The following CCDC146 variants were observed in gnomAD, a reference collection of about 807,000 sequenced individuals.
CCDC146 encodes the protein coiled-coil domain containing 146.
In CCDC146, 92 loss-of-function variants were observed where a neutral mutation model predicts 119.3. The observed-to-expected ratio is 0.77, with a 90% CI of 0.65 to 0.92. The LOEUF (loss-of-function observed/expected upper bound fraction) is 0.92. CCDC146 is among the 40% of genes least tolerant of loss of function. The pLI, the probability that CCDC146 is intolerant of heterozygous loss-of-function variation, is 0.00. For missense variants in CCDC146, 1,000 were observed against 1,103.0 expected (o/e 0.91, Z 1.32); for synonymous variants, 372 against 371.8 (o/e 1.00, Z -0.01).
chr7:77,263,880 T>TGA (rs1197049599), intron 9 of CCDC146, among the ~76,000 whole-genome samples: 3 of 152,116 alleles, frequency 2.0e-5, no homozygotes, highest in African/African-American at 7.2e-5. Context: ...GCTGAGGTTG[T>TGA]GCCACTGCAC....
chr7:77,133,652 C>CTTTTTT lies in CCDC146; in HGVS notation c.-12+10932_-12+10937dup, dbSNP rs71524906. On this transcript the variant is annotated intron_variant, in intron 1 of 18. Transcript: ENST00000285871. ...AGCCACCACGCCCAGCCTGGAACAC[C>CTTTTTT]TTTTTTTTTTTTTTTTTACCACTTT... Among the ~76,000 whole-genome samples the CTTTTTT allele has an allele frequency of 4.7e-3, 646 of 137,598 alleles. 6 individuals carry two copies. The highest frequency in any genetic ancestry group is 0.017 in the African/African-American group (605 of 36,430). The allele number at this position is 137,598 out of a possible 152,430, so 90.3% of individuals were successfully genotyped here.
In CCDC146 at chr7:77,280,663, A is replaced by T. The variant is rs1032404367; in HGVS notation, c.1919+10A>T. ...AGCATCGAAATGAAAGGTAAAAACC[A>T]GGTGTGAGAACAGAGCACCAGGGAT... On this transcript the variant is annotated intron_variant, in intron 14 of 18. Transcript: ENST00000285871. 2 of 1,593,240 alleles carry T rather than the reference A, an allele frequency of 1.3e-6. No individual in the cohort carries two copies. The highest frequency in any genetic ancestry group is 1.7e-6 in the Non-Finnish European group (2 of 1,166,808).
chr7:77,273,394 C>T (rs907391527), intron 9 of CCDC146, among the ~76,000 whole-genome samples: 1 of 152,052 alleles, frequency 6.6e-6, no homozygotes, highest in Non-Finnish European at 1.5e-5. Flanking sequence ...TTTAATTTGC[C>T]ATGGCTTATA....
At chr7:77,143,156 T>C (rs1368799725) in intron 1 of CCDC146, among the ~76,000 whole-genome samples, 1 of 151,906 alleles carries the variant, frequency 6.6e-6, no homozygotes, top group Non-Finnish European at 1.5e-5. Flanking sequence ...TGCATTTCTC[T>C]GATGGCCAGT....
At chr7:77,238,640 A>G (rs1792784884) in intron 3 of CCDC146, among the ~76,000 whole-genome samples, 1 of 152,118 alleles carries the variant, frequency 6.6e-6, no homozygotes. Context: ...GATGGTCTCA[A>G]TCTCCTGACC....
At chr7:77,209,812 T>C (rs1230706338) in intron 2 of CCDC146, among the ~76,000 whole-genome samples, 1 of 152,192 alleles carries the variant, frequency 6.6e-6, no homozygotes, top group Non-Finnish European at 1.5e-5. Context: ...TTGGGGCTTG[T>C]ACCCTCTGAA....
At position 77,236,950 on chromosome 7, in the gene CCDC146, C is replaced by T. The variant is rs1314975490; in HGVS notation, c.160C>T (p.His54Tyr). The change falls in exon 3 of 19, where the codon CAT (histidine) becomes TAT (tyrosine). Residue 54 changes from histidine (H) to tyrosine (Y), a missense_variant. Physicochemically the swap from His to Tyr is moderately conservative, Grantham distance 83. Around this residue, in one of 2 missense-constraint regions of CCDC146, gnomAD observed 985 missense variants for 1,045.3 expected, o/e 0.94. Coordinates refer to ENST00000285871, the MANE Select transcript of CCDC146 (RefSeq NM_020879.3). Reference protein sequence around the residue: ...TPAFIFLHELHAMGKLPGTRM... With the variant: ...TPAFIFLHELYAMGKLPGTRM... ...GACCTTATGTTCTCTTTGCTAGTTA[C>T]ATGCTATGGGAAAACTTCCTGGAAC... 2.5e-6 allele frequency: 4 copies of T among 1,612,716 alleles called. No homozygotes were observed. The highest frequency in any genetic ancestry group is 1.7e-4 in the Middle Eastern group (1 of 6,060).
intron 1 of CCDC146, among the ~76,000 whole-genome samples, chr7:77,133,924 T>A (rs766903042): frequency 1.2e-4 from 18 of 151,460 alleles, no homozygotes; most frequent in Non-Finnish European, 1.6e-4. Flanking sequence ...CAGGAAGGAG[T>A]AATTATGATT....
chr7:77,146,195 T>C (rs1791016437), intron 1 of CCDC146, among the ~76,000 whole-genome samples: 1 of 152,094 alleles, frequency 6.6e-6, no homozygotes, highest in Non-Finnish European at 1.5e-5. Context: ...TTTTGATCTT[T>C]GTTGGTTTAA....
chr7:77,159,184 C>G (rs1486403372), intron 1 of CCDC146, among the ~76,000 whole-genome samples: 3 of 152,050 alleles, frequency 2.0e-5, no homozygotes, highest in African/African-American at 4.8e-5. Context: ...GATCTAATCT[C>G]TTAGTAATTT....
Position 77,241,917 on chromosome 7 carries a change from C to T in CCDC146, c.449+17C>T. On this transcript the variant is annotated intron_variant, in intron 4 of 18. Coordinates refer to ENST00000285871, the MANE Select transcript of CCDC146 (RefSeq NM_020879.3). ...ATTAAATAGGTAAGTGCACAGTTCT[C>T]TCCGGCACACTGAAAAGTCTTTTCC... is the stretch of plus-strand genomic sequence containing the variant. 1 of 1,566,534 alleles carries T rather than the reference C, an allele frequency of 6.4e-7. No homozygotes were observed. The highest frequency in any genetic ancestry group is 8.8e-7 in the Non-Finnish European group (1 of 1,140,344).
intron 15 of CCDC146, among the ~76,000 whole-genome samples, chr7:77,285,973 G>A (rs1793840711): frequency 6.6e-6 from 1 of 152,226 alleles, no homozygotes; most frequent in South Asian, 2.1e-4. Context: ...GAAGTCCAGT[G>A]TGTTGTATGT....
rs576870901 is a variant in CCDC146 at position 77,143,229 on chromosome 7, G to A, written c.-12+20497G>A. 1.1e-4 allele frequency among the ~76,000 whole-genome samples: 17 copies of A among 151,802 alleles called. No individual in the cohort carries two copies. The South Asian group carries it at 3.1e-3, about 28-fold the overall frequency. ...AAATGTCTTCTTTTGAGAAGTGTCT[G>A]TTCATATCCTTCGCCCACTTGTTGA... On this transcript the variant is annotated intron_variant, in intron 1 of 18. Coordinates refer to ENST00000285871, the MANE Select transcript of CCDC146 (RefSeq NM_020879.3).
Position 77,274,542 on chromosome 7 carries a change from C to G in CCDC146, c.1330C>G (p.Leu444Val), listed in dbSNP as rs1793592037. The part of the protein sequence containing the change: ...VEQQLAEENK[L>V]LKEQENMKEL... ...ACAACAACTTGCAGAAGAAAACAAG[C>G]TTTTAAAGGAGCAAGAAAACATGAA... The change falls in exon 11 of 19, where the codon CTT becomes GTT. Residue 444 changes from leucine to valine, a missense_variant. By Grantham distance (32) the Leu-to-Val change is conservative (BLOSUM62 1). Transcript: ENST00000285871. The G allele has an allele frequency of 1.2e-6, 2 of 1,611,090 alleles. No homozygotes were observed. The highest frequency in any genetic ancestry group is 1.7e-6 in the Non-Finnish European group (2 of 1,178,234).
At position 77,283,191 on chromosome 7, in the gene CCDC146, T is replaced by C. The variant is rs535040431; in HGVS notation, c.2148+406T>C. ...ATACTCTGGCCCCCAGAGCAAGAGA[T>C]TGTCTGGAGATTGTTGCTTATTAGT... On this transcript the variant is annotated intron_variant, in intron 15 of 18. Coordinates refer to ENST00000285871, the MANE Select transcript of CCDC146 (RefSeq NM_020879.3). 1.1e-3 allele frequency among the ~76,000 whole-genome samples: 164 copies of C among 152,266 alleles called. 1 individual carries two copies. Among genetic ancestry groups the C allele is most frequent in the South Asian group, 3.1e-3 (15 of 4,824 alleles).
chr7:77,158,892 G>GT (rs772250644), intron 1 of CCDC146, among the ~76,000 whole-genome samples: 6 of 152,038 alleles, frequency 3.9e-5, no homozygotes, highest in African/African-American at 9.7e-5. Flanking sequence ...ATTAATTAGT[G>GT]TTTTTTTGTT....
In CCDC146 at chr7:77,282,761, C is replaced by T. The variant is rs775313345; in HGVS notation, c.2124C>T (p.Ala708=). The T allele has an allele frequency of 1.9e-5, 31 of 1,613,856 alleles. No homozygotes were observed. The highest frequency in any genetic ancestry group is 1.2e-4 in the African/African-American group (9 of 74,926). Residue 708 remains alanine (A), a synonymous_variant, in exon 15 of 19, where the codon GCC becomes GCT. Transcript: ENST00000285871. ...TGCCAGCCAAGAGGTCCCTGGATGC[C>T]GACCTAGCTGTGCTCCAAATTCAGG... ...KLLPAKRSLD[A]DLAVLQIQFS... is the part of the protein sequence containing the mutation.
In CCDC146 at chr7:77,139,348, G is replaced by A. The variant is rs546807481; in HGVS notation, c.-12+16616G>A. ...AGTTAAAAAAAGATAGTGATCACTA[G>A]GGAGTTTGGAGTGGGTGGAGAGAGA... On this transcript the variant is annotated intron_variant, in intron 1 of 18. Transcript: ENST00000285871. Among the ~76,000 whole-genome samples, 32 of 152,334 alleles carry A rather than the reference G, an allele frequency of 2.1e-4. No homozygotes were observed. The South Asian group carries it at 6.4e-3, about 31-fold the overall frequency.
rs546132347 is a variant in CCDC146 at position 77,290,033 on chromosome 7, A to G, written c.2415+2456A>G. ...ATAGACTGGATTAAGCAAATGTGGT[A>G]CATATACACCATGGAATACTATGCA... On this transcript the variant is annotated intron_variant, in intron 17 of 18. Coordinates refer to ENST00000285871, the MANE Select transcript of CCDC146 (RefSeq NM_020879.3). Among the ~76,000 whole-genome samples, 27 of 151,906 alleles carry G rather than the reference A, an allele frequency of 1.8e-4. 1 individual carries two copies. Among genetic ancestry groups the G allele is most frequent in the African/African-American group, 6.3e-4 (26 of 41,302 alleles).
Sources: allele counts gnomAD v4.1 joint callset (sites outside exome capture counted in the v4.1 genomes callset), GRCh38; gene constraint gnomAD v4.1.1; regional missense constraint gnomAD v4.1.1; transcripts MANE v1.5; gene names NCBI Gene and HGNC (gene_info 2026-07-23, HGNC 2026-07-21).